Variants in ATF2 observed in about 807,000 individuals in gnomAD.
ATF2 encodes cyclic AMP-dependent transcription factor ATF-2.
Under a neutral mutation model 60.6 loss-of-function variants are expected in ATF2, and 24 were observed. The ratio of observed to expected loss-of-function variants is 0.40; its 90% CI spans 0.29 to 0.56. The LOEUF is 0.56. ATF2 is among the 20% of genes least tolerant of loss of function. The pLI is 0.54. For synonymous variants in ATF2, 206 were observed against 215.4 expected (o/e 0.96, Z 0.38); for missense variants, 433 against 607.7 (o/e 0.71, Z 3.02).
chr2:175,146,378 C>T (rs1698949488), intron 2 of ATF2, among the ~76,000 whole-genome samples: 1 of 152,136 alleles, frequency 6.6e-6, no homozygotes, highest in African/African-American at 2.4e-5. Flanking sequence ...TAAATGTGAC[C>T]TGCAGATTAG....
chr2:175,121,608 A>G, intron 4 of ATF2, 68 bp from the exon 5 acceptor site: 1 of 1,227,650 alleles, frequency 8.1e-7, no homozygotes, highest in African/African-American at 1.5e-5. Context: ...ATGATTAGGA[A>G]ATTAATTTCC....
chr2:175,155,742 G>A (rs1319531800), intron 1 of ATF2, among the ~76,000 whole-genome samples: 1 of 152,136 alleles, frequency 6.6e-6, no homozygotes, highest in Non-Finnish European at 1.5e-5. Flanking sequence ...AAGAAAAAGG[G>A]ACGCTGAAAA....
rs1285215968 is a variant in ATF2 at position 175,072,676 on chromosome 2, G to A, written c.*1933C>T. The A allele has an allele frequency of 6.6e-6, 1 of 152,014 alleles. No individual in the cohort carries two copies. The highest frequency in any genetic ancestry group is 6.6e-5 in the Admixed American group (1 of 15,248). 9.4% of individuals were successfully genotyped at this position (152,014 alleles called of 1,614,324 possible). A position where few individuals can be genotyped will look rare whatever the true frequency, so the allele number is the denominator to read the frequency against. ...AACTACAATAAAAAATAGCCTTCTT[G>A]CAGAATTCATATTTTGTGCCTTTGA... On this transcript the variant is annotated 3_prime_UTR_variant, in exon 14 of 14. Coordinates refer to ENST00000264110, the MANE Select transcript of ATF2 (RefSeq NM_001880.4).
intron 2 of ATF2, among the ~76,000 whole-genome samples, chr2:175,145,533 G>T (rs1698891386): frequency 1.3e-5 from 2 of 152,150 alleles, no homozygotes; most frequent in African/African-American, 4.8e-5. Context: ...GTGGAACCAG[G>T]AGCCAATTAA....
chr2:175,132,488 G>A (rs1412772186), intron 3 of ATF2, among the ~76,000 whole-genome samples: 1 of 152,014 alleles, frequency 6.6e-6, no homozygotes, highest in Non-Finnish European at 1.5e-5. Context: ...ACTGAATGTT[G>A]AACAAACAAA....
intron 5 of ATF2, among the ~76,000 whole-genome samples, chr2:175,120,857 A>G (rs941376088): frequency 3.3e-5 from 5 of 151,806 alleles, no homozygotes; most frequent in Non-Finnish European, 5.9e-5. Context: ...CCAATGTATG[A>G]ACTGGGTTTT....
At chr2:175,099,972 C>T (rs1004745867) in intron 10 of ATF2, among the ~76,000 whole-genome samples, 1 of 152,246 alleles carries the variant, frequency 6.6e-6, no homozygotes, top group Non-Finnish European at 1.5e-5. Flanking sequence ...ACTGCAACTG[C>T]TAAGCCAGGA....
intron 13 of ATF2, among the ~76,000 whole-genome samples, chr2:175,079,189 T>A (rs576617181): frequency 6.6e-6 from 1 of 152,148 alleles, no homozygotes. Flanking sequence ...GCCTGGATAA[T>A]AGAGTCAAAA....
chr2:175,081,405 T>C (rs551727506), intron 12 of ATF2, among the ~76,000 whole-genome samples: 4 of 152,340 alleles, frequency 2.6e-5, no homozygotes, highest in African/African-American at 7.2e-5. Flanking sequence ...TTTGTCCTAA[T>C]CTTCAGAATG....
chr2:175,084,873 T>C (rs1694044953), intron 12 of ATF2, among the ~76,000 whole-genome samples: 2 of 152,136 alleles, frequency 1.3e-5, no homozygotes, highest in South Asian at 2.1e-4. Context: ...GCACAGCACA[T>C]TGCCTGATAT....
rs975111030 is a variant in ATF2 at position 175,074,391 on chromosome 2, AT to A, written c.*217del. The A allele has an allele frequency of 2.1e-4, 77 of 374,932 alleles. No individual in the cohort carries two copies. Among genetic ancestry groups the A allele is most frequent in the African/African-American group, 1.5e-3 (73 of 48,148 alleles). 23.2% of individuals were successfully genotyped at this position (374,932 alleles called of 1,614,324 possible). A position where few individuals can be genotyped will look rare whatever the true frequency, so the allele number is the denominator to read the frequency against. On this transcript the variant is annotated 3_prime_UTR_variant, in exon 14 of 14. Transcript: ENST00000264110. ...CAGAAAAATTAATAAATCTAATAAT[AT>A]TTATAAAAAAAGCAAAATCAGTCTT...
In ATF2 at chr2:175,084,877, C is replaced by T. The variant is rs375091031; in HGVS notation, c.1186-4112G>A. Among the ~76,000 whole-genome samples the T allele has an allele frequency of 4.6e-5, 7 of 152,194 alleles. No homozygotes were observed. In the East Asian group the frequency reaches 1.2e-3, roughly 25 times the overall value. On this transcript the variant is annotated intron_variant, in intron 12 of 13. Transcript: ENST00000264110. ...GTATCCCCAGAGCACAGCACATTGC[C>T]TGATATGGACTGAGTAGACAGACAT... is the stretch of plus-strand genomic sequence containing the variant.
intron 10 of ATF2, among the ~76,000 whole-genome samples, chr2:175,099,265 G>A (rs921164328): frequency 1.3e-5 from 2 of 151,724 alleles, no homozygotes; most frequent in Non-Finnish European, 2.9e-5. Context: ...CACCACGACC[G>A]GCTCATTTTT....
At chr2:175,100,697 T>A (rs566555272) in intron 10 of ATF2, among the ~76,000 whole-genome samples, 1 of 152,354 alleles carries the variant, frequency 6.6e-6, no homozygotes, top group East Asian at 1.9e-4. Flanking sequence ...CTGTTCCTCT[T>A]CCTTATTTGA....
chr2:175,156,146 G>A (rs559656939), intron 1 of ATF2, among the ~76,000 whole-genome samples: 2 of 152,028 alleles, frequency 1.3e-5, no homozygotes, highest in East Asian at 1.9e-4. Context: ...CAAGGCAGGC[G>A]GATCACCTGA....
At chr2:175,094,403 G>GAAAA (rs61440218) in intron 11 of ATF2, among the ~76,000 whole-genome samples, 21 of 61,134 alleles carry the variant, frequency 3.4e-4, no homozygotes, top group South Asian at 7.7e-4. Context: ...CAAAAAATAC[G>GAAAA]AAAAAAAAAA....
chr2:175,091,740 G>A (rs1429793612), intron 12 of ATF2, among the ~76,000 whole-genome samples: 3 of 152,086 alleles, frequency 2.0e-5, no homozygotes, highest in Non-Finnish European at 4.4e-5. Context: ...GTGCACACCT[G>A]TAATCCCAGC....
chr2:175,089,885 C>T (rs1191619613), intron 12 of ATF2, among the ~76,000 whole-genome samples: 2 of 152,140 alleles, frequency 1.3e-5, no homozygotes, highest in East Asian at 1.9e-4. Flanking sequence ...CCTATACTTA[C>T]GGAGTCATTT....
At chr2:175,142,162 G>A (rs896152019) in intron 2 of ATF2, among the ~76,000 whole-genome samples, 1 of 151,450 alleles carries the variant, frequency 6.6e-6, no homozygotes, top group Non-Finnish European at 1.5e-5. Context: ...AAAAGTGAAG[G>A]CTTCCTCTTT....
Sources: gnomAD v4.1 joint callset for allele counts (sites outside exome capture counted in the v4.1 genomes callset) on GRCh38, gnomAD v4.1.1 for gene constraint, MANE v1.5 for transcripts, NCBI Gene and HGNC (gene_info 2026-07-23, HGNC 2026-07-21) for gene names.